Variants in RASA2 observed in about 807,000 individuals in gnomAD.
The protein encoded by RASA2 is RAS p21 protein activator 2, also known as ras GTPase-activating protein 2.
A neutral mutation model predicts 118.2 loss-of-function variants in RASA2; 155 were observed. The ratio of observed to expected loss-of-function variants is 1.31; its 90% confidence interval spans 1.15 to 1.50. The LOEUF is 1.50. RASA2 is among the 40% of genes most tolerant of loss of function. RASA2 has a pLI of 0.00. For missense variants in RASA2, 1,016 were observed against 1,009.6 expected, an observed-to-expected ratio of 1.01 and a Z score of -0.09; for synonymous variants, 353 against 349.1, an observed-to-expected ratio of 1.01 and a Z score of -0.12.
chr3:141,513,789 C>T (rs1028282326), intron 2 of RASA2, among the ~76,000 whole-genome samples: 2 of 152,156 alleles, frequency 1.3e-5, no homozygotes, highest in African/African-American at 4.8e-5. Flanking sequence ...TTCAGCTTCT[C>T]ATTTAGTTAT....
At chr3:141,600,514 A>C (rs1054288347) in intron 19 of RASA2, 1 of 317,150 alleles carries the variant, frequency 3.2e-6, no homozygotes, top group African/African-American at 2.2e-5. Flanking sequence ...GCAGGTGGCC[A>C]TGTCATCGTA....
intron 6 of RASA2, 55 bp downstream of exon 6, chr3:141,553,995 A>C: frequency 6.4e-7 from 1 of 1,555,342 alleles, no homozygotes; most frequent in South Asian, 1.2e-5. Context: ...TGATTTAAAA[A>C]TTTAAAAAGT....
rs541427139 is a variant in RASA2 at position 141,528,764 on chromosome 3, A to G, written c.356-944A>G. Among the ~76,000 whole-genome samples the G allele has an allele frequency of 2.0e-5, 3 of 151,982 alleles. No homozygotes were observed. The East Asian group carries it at 5.8e-4, about 29-fold the overall frequency. ...ATCTTGACAGAAAAATTTCTTTACAATTTTCTTAAAGTTTTCAAATGTTGA... is the reference window on the plus strand; with the variant it reads ...ATCTTGACAGAAAAATTTCTTTACAGTTTTCTTAAAGTTTTCAAATGTTGA... On this transcript the variant is annotated intron_variant, in intron 3 of 23. Transcript: ENST00000286364.
At chr3:141,571,664 A>G (rs1202481225) in intron 11 of RASA2, 110 bp downstream of exon 11, 3 of 1,038,216 alleles carry the variant, frequency 2.9e-6, no homozygotes, top group Non-Finnish European at 2.7e-6. Flanking sequence ...GCCTTACTGT[A>G]TAGTAGGCTG....
At chr3:141,582,115 A>T (rs1197338681) in intron 17 of RASA2, among the ~76,000 whole-genome samples, 1 of 152,208 alleles carries the variant, frequency 6.6e-6, no homozygotes. Flanking sequence ...AATGTTAAAG[A>T]CTTCATTCAA....
In RASA2 at chr3:141,573,624, G is replaced by A. The variant is rs73238087; in HGVS notation, c.1360-320G>A. Among the ~76,000 whole-genome samples the A allele has an allele frequency of 6.9e-3, 1,054 of 152,314 alleles. 7 individuals are homozygous for A. The highest frequency in any genetic ancestry group is 0.014 in the Admixed American group (218 of 15,292). ...CAAATTTTTATTGCAGTGGATAATA[G>A]TGTCACAATGTCCTTGTGCTTGTGT... On this transcript the variant is annotated intron_variant, in intron 13 of 23. Coordinates refer to ENST00000286364, the MANE Select transcript of RASA2 (RefSeq NM_006506.5).
Position 141,607,687 on chromosome 3 carries a change from C to G in RASA2, c.1943C>G (p.Ala648Gly), listed in dbSNP as rs1421012394. The change falls in exon 20 of 24, where the codon GCA becomes GGA. Residue 648 changes from alanine to glycine, a missense_variant. Coordinates refer to ENST00000286364, the MANE Select transcript of RASA2 (RefSeq NM_006506.5). The stretch of plus-strand genomic sequence containing the variant: ...TTTTTTTATTATTTAGGCAAAGATG[C>G]AATCTACACAATCCCAGTAAAAAAC... ...LTYHKQPGKD[A>G]IYTIPVKNIL... The G allele has an allele frequency of 6.4e-7, 1 of 1,566,738 alleles. No individual in the cohort carries two copies. Among genetic ancestry groups the G allele is most frequent in the Admixed American group, 2.0e-5 (1 of 49,828 alleles).
rs1361120077 is a variant in RASA2 at position 141,614,871 on chromosome 3, T to TA, written c.*2559dup. Reference sequence around the variant, plus strand: ...TAAGTGTGAAAACTAGGCTTTTTTTTATGAAACAAAAAAAGGTGACGAATA... The same window carrying TA: ...TAAGTGTGAAAACTAGGCTTTTTTTTAATGAAACAAAAAAAGGTGACGAATA... On this transcript the variant is annotated 3_prime_UTR_variant, in exon 24 of 24. Transcript: ENST00000286364. 1.3e-5 allele frequency: 2 copies of TA among 152,208 alleles called. No individual in the cohort carries two copies. The highest frequency in any genetic ancestry group is 6.5e-5 in the Admixed American group (1 of 15,280). The allele number at this position is 152,208 out of a possible 1,614,324, so 9.4% of individuals were successfully genotyped here. A position where few individuals can be genotyped will look rare whatever the true frequency, so the allele number is the denominator to read the frequency against.
Position 141,553,891 on chromosome 3 carries a change from G to A in RASA2, c.562G>A (p.Gly188Ser). The change falls in exon 6 of 24, where the codon GGC (glycine) becomes AGC (serine). Residue 188 changes from glycine (G) to serine (S), a missense_variant. Gly to Ser is a moderately conservative substitution (Grantham distance 56, BLOSUM62 0). Around this residue, in one of 2 missense-constraint regions of RASA2, gnomAD observed 896 missense variants for 836.4 expected, o/e 1.07. Transcript: ENST00000286364. ...ATGCCATGGGTTGCCTCTCATAAAT[G>A]GCCAAAGCTGTGACCCTTATGCAAC... ...KACHGLPLINGQSCDPYATVS... is the reference protein window; with the variant it reads ...KACHGLPLINSQSCDPYATVS... 1 of 1,611,916 alleles carries A rather than the reference G, an allele frequency of 6.2e-7. No homozygotes were observed.
chr3:141,587,860 A>G (rs921502764), intron 19 of RASA2, among the ~76,000 whole-genome samples: 2 of 126,470 alleles, frequency 1.6e-5, no homozygotes, highest in Non-Finnish European at 3.3e-5. Flanking sequence ...AGAGATGTTC[A>G]CTTAACCAAA....
intron 19 of RASA2, among the ~76,000 whole-genome samples, chr3:141,602,982 C>G (rs576016401): frequency 6.0e-4 from 85 of 141,048 alleles, no homozygotes; most frequent in Admixed American, 2.0e-3. Context: ...TCTGTAACCT[C>G]CAGCCAGTAA....
intron 19 of RASA2, among the ~76,000 whole-genome samples, chr3:141,596,176 T>C (rs2083363967): frequency 6.6e-6 from 1 of 152,192 alleles, no homozygotes; most frequent in Non-Finnish European, 1.5e-5. Context: ...CAAAGTATGT[T>C]CTCTGATCAC....
At chr3:141,543,373 C>A (rs1054030404) in intron 5 of RASA2, among the ~76,000 whole-genome samples, 4 of 151,994 alleles carry the variant, frequency 2.6e-5, no homozygotes, top group African/African-American at 9.7e-5. Flanking sequence ...AATATTTTGT[C>A]TACATATATT....
intron 4 of RASA2, among the ~76,000 whole-genome samples, chr3:141,531,119 C>G (rs13078872): frequency 0.21 from 31,437 of 151,908 alleles, 4,445 homozygotes; most frequent in Non-Finnish European, 0.31. Context: ...GGCTATTTCC[C>G]TAATATTCCT....
chr3:141,560,235 T>G (rs1001040529), intron 9 of RASA2, among the ~76,000 whole-genome samples: 1 of 152,170 alleles, frequency 6.6e-6, no homozygotes, highest in Admixed American at 6.5e-5. Context: ...TGTTCAGAAG[T>G]GAAGACGACT....
At chr3:141,582,434 G>A (rs77536071) in intron 17 of RASA2, among the ~76,000 whole-genome samples, 5,467 of 152,250 alleles carry the variant, frequency 0.036, 346 homozygotes, top group African/African-American at 0.12. Flanking sequence ...TTTATTGGCA[G>A]GATTATGATG....
chr3:141,576,239 A>G (rs1246728604), intron 14 of RASA2, among the ~76,000 whole-genome samples: 2 of 152,176 alleles, frequency 1.3e-5, no homozygotes, highest in East Asian at 3.8e-4. Flanking sequence ...TTACTACCCT[A>G]GAAGAATGGG....
intron 3 of RASA2, among the ~76,000 whole-genome samples, chr3:141,522,805 C>T (rs1278559788): frequency 1.3e-5 from 2 of 152,172 alleles, no homozygotes; most frequent in African/African-American, 4.8e-5. Context: ...TTCCTGGCTA[C>T]TCCATGGTTT....
chr3:141,594,065 C>T (rs2083326945), intron 19 of RASA2, among the ~76,000 whole-genome samples: 1 of 152,008 alleles, frequency 6.6e-6, no homozygotes, highest in Admixed American at 6.5e-5. Context: ...GAAAAGTAGT[C>T]ATCATGAGTA....
Sources: allele counts gnomAD v4.1 joint callset (sites outside exome capture counted in the v4.1 genomes callset), GRCh38; gene constraint gnomAD v4.1.1; regional missense constraint gnomAD v4.1.1; transcripts MANE v1.5; gene names NCBI Gene and HGNC (gene_info 2026-07-23, HGNC 2026-07-21).